The following TET2 variants were observed in gnomAD, a reference collection of about 807,000 sequenced individuals.
TET2 encodes the protein tet methylcytosine dioxygenase 2.
A neutral mutation model predicts 142.9 loss-of-function variants in TET2; 299 were observed. The ratio of observed to expected loss-of-function variants is 2.09; its 90% CI spans 1.90 to 2.30. TET2 has a LOEUF of 2.30. Ranked by LOEUF, TET2 falls within the 30% of genes most tolerant of loss-of-function variation. The probability of loss-of-function intolerance (pLI) is 0.00; values close to 1 mark genes in which losing one functional copy is unlikely to be tolerated. For missense variants in TET2, 2,418 were observed against 2,378.0 expected (o/e 1.02, Z -0.35); for synonymous variants, 819 against 849.0 (o/e 0.96, Z 0.61).
At chr4:105,200,634 T>C (rs907655909) in intron 2 of TET2, among the ~76,000 whole-genome samples, 2 of 149,496 alleles carry the variant, frequency 1.3e-5, no homozygotes, top group African/African-American at 4.9e-5. Flanking sequence ...CACTGTTTTT[T>C]TTTGTTTGTT....
intron 2 of TET2, among the ~76,000 whole-genome samples, chr4:105,218,308 A>C (rs1231719029): frequency 1.3e-5 from 2 of 152,066 alleles, no homozygotes; most frequent in African/African-American, 4.8e-5. Flanking sequence ...ACTGATAAGG[A>C]GCACCAAATC....
intron 3 of TET2, chr4:105,237,590 T>TC: frequency 6.8e-7 from 1 of 1,469,366 alleles, no homozygotes; most frequent in Non-Finnish European, 9.0e-7. Context: ...TGTTTATTTT[T>TC]CCCTCTCTTC....
At chr4:105,225,383 T>A (rs1728127126) in intron 2 of TET2, among the ~76,000 whole-genome samples, 1 of 152,178 alleles carries the variant, frequency 6.6e-6, no homozygotes, top group South Asian at 2.1e-4. Flanking sequence ...GAGTTTTTTA[T>A]GTGGTGTTCT....
intron 1 of TET2, among the ~76,000 whole-genome samples, chr4:105,149,519 G>A (rs916025496): frequency 1.3e-5 from 2 of 152,100 alleles, no homozygotes; most frequent in Non-Finnish European, 2.9e-5. Flanking sequence ...CATAACCTCA[G>A]TTCTTTCTTT....
chr4:105,273,914 G>A (rs993000514), intron 10 of TET2, among the ~76,000 whole-genome samples: 11 of 151,746 alleles, frequency 7.2e-5, no homozygotes, highest in Admixed American at 4.6e-4. Context: ...TTTGTAAAAA[G>A]AAAAAAAATC....
At chr4:105,219,183 C>T (rs1578641791) in intron 2 of TET2, among the ~76,000 whole-genome samples, 1 of 152,120 alleles carries the variant, frequency 6.6e-6, no homozygotes, top group East Asian at 1.9e-4. Context: ...TTAATGGCAT[C>T]TCCATTATTA....
intron 1 of TET2, among the ~76,000 whole-genome samples, chr4:105,180,726 A>T (rs538935041): frequency 1.3e-5 from 2 of 150,888 alleles, no homozygotes; most frequent in East Asian, 3.9e-4. Flanking sequence ...TGCAACCTCC[A>T]CCTCCTGAGT....
chr4:105,205,953 A>G (rs1726796306), intron 2 of TET2, among the ~76,000 whole-genome samples: 1 of 152,124 alleles, frequency 6.6e-6, no homozygotes, highest in Non-Finnish European at 1.5e-5. Flanking sequence ...ATCTTAATGG[A>G]GCATTTAGAA....
At chr4:105,248,343 A>G (rs1031198937) in intron 6 of TET2, among the ~76,000 whole-genome samples, 2 of 152,026 alleles carry the variant, frequency 1.3e-5, no homozygotes, top group African/African-American at 4.8e-5. Flanking sequence ...TTATTTTGCT[A>G]TTTTTTCTAT....
At chr4:105,221,547 C>T (rs1035336044) in intron 2 of TET2, among the ~76,000 whole-genome samples, 1 of 152,024 alleles carries the variant, frequency 6.6e-6, no homozygotes, top group African/African-American at 2.4e-5. Flanking sequence ...TATGAAAAAC[C>T]TGACAAAACC....
At chr4:105,209,084 T>TATAC (rs1727005718) in intron 2 of TET2, among the ~76,000 whole-genome samples, 1 of 113,078 alleles carries the variant, frequency 8.8e-6, no homozygotes, top group Admixed American at 8.1e-5. Context: ...TATATATATA[T>TATAC]ATATATATAT....
At chr4:105,273,748 A>AACAT (rs1383896651) in intron 10 of TET2, among the ~76,000 whole-genome samples, 1 of 152,142 alleles carries the variant, frequency 6.6e-6, no homozygotes, top group Non-Finnish European at 1.5e-5. Context: ...TTCCTTAGAC[A>AACAT]TGTTGAGTCT....
chr4:105,237,247 ATAATTTT>A lies in TET2; in HGVS notation c.3306_3312del (p.Asn1102LysfsTer2). 1 of 1,614,158 alleles carries A rather than the reference ATAATTTT, an allele frequency of 6.2e-7. No homozygotes were observed. The highest frequency in any genetic ancestry group is 8.5e-7 in the Non-Finnish European group (1 of 1,180,006). ...AAAAGAACAGCTGCTTCTGTTCTCAATAATTTTATAGAGTCACCTTCCAAATTACTAG... is the reference window on the plus strand; with the variant it reads ...AAAAGAACAGCTGCTTCTGTTCTCAAATAGAGTCACCTTCCAAATTACTAG... On this transcript the variant is annotated frameshift_variant, in exon 3 of 11. Coordinates refer to ENST00000380013, the MANE Select transcript of TET2 (RefSeq NM_001127208.3). LOFTEE classifies it high-confidence loss of function.
intron 2 of TET2, among the ~76,000 whole-genome samples, chr4:105,228,106 A>G (rs1420517898): frequency 6.6e-6 from 1 of 152,158 alleles, no homozygotes; most frequent in Non-Finnish European, 1.5e-5. Context: ...TTGAAAGAGT[A>G]CTGTGCAAGT....
chr4:105,258,992 C>T (rs1474748182), intron 6 of TET2, among the ~76,000 whole-genome samples: 2 of 152,104 alleles, frequency 1.3e-5, no homozygotes, highest in African/African-American at 2.4e-5. Flanking sequence ...CAACTACATG[C>T]AGTGATTTGG....
At chr4:105,265,251 C>G (rs1262214266) in intron 8 of TET2, among the ~76,000 whole-genome samples, 1 of 152,166 alleles carries the variant, frequency 6.6e-6, no homozygotes, top group African/African-American at 2.4e-5. Context: ...TATTATTTAA[C>G]AGTTGATACG....
chr4:105,253,984 A>G (rs543420872), intron 6 of TET2, among the ~76,000 whole-genome samples: 54 of 152,272 alleles, frequency 3.5e-4, no homozygotes, highest in African/African-American at 1.3e-3. Flanking sequence ...TTGATTTTCA[A>G]ATTTTGAACT....
intron 2 of TET2, among the ~76,000 whole-genome samples, chr4:105,204,266 CACATACAT>C (rs773109855): frequency 2.1e-4 from 30 of 140,130 alleles, no homozygotes; most frequent in African/African-American, 9.2e-4. Flanking sequence ...CACACACACA[CACATACAT>C]ACATACATTA....
chr4:105,179,593 T>C (rs914646970), intron 1 of TET2, among the ~76,000 whole-genome samples: 3 of 152,226 alleles, frequency 2.0e-5, no homozygotes, highest in Admixed American at 6.5e-5. Context: ...ATGAAAAATA[T>C]CCTCTTCATT....
Sources: allele counts gnomAD v4.1 joint callset (sites outside exome capture counted in the v4.1 genomes callset), GRCh38; gene constraint gnomAD v4.1.1; transcripts MANE v1.5; gene names NCBI Gene and HGNC (gene_info 2026-07-23, HGNC 2026-07-21).